The following DYSF variants were observed in gnomAD, a reference collection of about 807,000 sequenced individuals.
The protein encoded by DYSF is dysferlin, also known as dystrophy-associated fer-1-like 1.
DYSF carries 212 observed loss-of-function variants against 274.9 expected under a neutral mutation model. The observed-to-expected ratio is 0.77, with a 90% confidence interval of 0.69 to 0.86. The LOEUF (loss-of-function observed/expected upper bound fraction) is 0.86. Ranked by LOEUF, DYSF falls within the 40% of genes least tolerant of loss-of-function variation. The pLI, the probability that DYSF is intolerant of heterozygous loss-of-function variation, is 0.00. For missense variants in DYSF, 2,666 were observed against 2,783.2 expected (o/e 0.96, Z 0.95); for synonymous variants, 1,091 against 1,078.7 (o/e 1.01, Z -0.22).
Position 71,570,662 on chromosome 2 carries a change from A to C in DYSF, c.3149A>C (p.Lys1050Thr). Residue 1050 changes from lysine (K) to threonine (T), a missense_variant, in exon 29 of 56, where the codon AAG becomes ACG. Physicochemically the swap from Lys to Thr is moderately conservative, Grantham distance 78 (BLOSUM62 -1). Around this residue, in one of 3 missense-constraint regions of DYSF, gnomAD observed 1,460 missense variants for 1,502.1 expected, o/e 0.97. Coordinates refer to ENST00000410020, the MANE Select transcript of DYSF (RefSeq NM_001130987.2). ...CCGAAGCACTGGGTCCCTGCTGAGA[A>C]GATGTACTACACACACCGACGGCGG... is the stretch of plus-strand genomic sequence containing the variant. ...RKPKHWVPAEKMYYTHRRRRW... is the reference protein window; with the variant it reads ...RKPKHWVPAETMYYTHRRRRW... 1.2e-6 allele frequency: 2 copies of C among 1,614,130 alleles called. No individual in the cohort carries two copies. The highest frequency in any genetic ancestry group is 2.7e-5 in the African/African-American group (2 of 75,038).
chr2:71,591,875 G>A (rs1005112679), intron 32 of DYSF, among the ~76,000 whole-genome samples: 2 of 152,236 alleles, frequency 1.3e-5, no homozygotes, highest in African/African-American at 4.8e-5. Flanking sequence ...GGGTGGATGA[G>A]GAAGTTCTAC....
Position 71,535,020 on chromosome 2 carries a change from G to T in DYSF, c.1381-1G>T. On this transcript the variant is annotated splice_acceptor_variant, in intron 14 of 55. Coordinates refer to ENST00000410020, the MANE Select transcript of DYSF (RefSeq NM_001130987.2). LOFTEE classifies it high-confidence loss of function. Reference sequence around the variant, plus strand: ...ACTTGTCCCCTCCCTGTGTCTTCTAGCTGTGCAGCAAGATCTTGGAGAAGA... The same window carrying T: ...ACTTGTCCCCTCCCTGTGTCTTCTATCTGTGCAGCAAGATCTTGGAGAAGA... 1 of 1,614,202 alleles carries T rather than the reference G, an allele frequency of 6.2e-7. No homozygotes were observed. The highest frequency in any genetic ancestry group is 8.5e-7 in the Non-Finnish European group (1 of 1,180,030).
intron 41 of DYSF, among the ~76,000 whole-genome samples, chr2:71,638,265 G>A (rs2094436158): frequency 6.6e-6 from 1 of 151,508 alleles, no homozygotes; most frequent in Non-Finnish European, 1.5e-5. Context: ...TGTGAATACA[G>A]GTTCTTATTT....
rs3811611 is a variant in DYSF at position 71,589,472 on chromosome 2, G to C, written c.3403-121G>C. 457,842 of 786,474 alleles carry C rather than the reference G, an allele frequency of 0.58. 134,615 individuals are homozygous for C. Among genetic ancestry groups the C allele is most frequent in the East Asian group, 0.76 (30,430 of 40,212 alleles). The allele number at this position is 786,474 out of a possible 1,614,324, so 48.7% of individuals were successfully genotyped here. A position where few individuals can be genotyped will look rare whatever the true frequency, so the allele number is the denominator to read the frequency against. On this transcript the variant is annotated intron_variant, in intron 30 of 55. Transcript: ENST00000410020. ...TCCCCAGAATGAAATTAGAGGCTGA[G>C]AGTTCAGCTTTCGGCAGCGGAGAGA...
At chr2:71,534,232 T>A (rs367845903) in intron 14 of DYSF, among the ~76,000 whole-genome samples, 2 of 152,354 alleles carry the variant, frequency 1.3e-5, no homozygotes, top group South Asian at 2.1e-4. Flanking sequence ...TCATAGTAAA[T>A]GCTCTGAAAA....
At chr2:71,616,491 G>C (rs1165831079) in intron 40 of DYSF, among the ~76,000 whole-genome samples, 1 of 151,488 alleles carries the variant, frequency 6.6e-6, no homozygotes, top group Non-Finnish European at 1.5e-5. Flanking sequence ...ACAGGTGGGG[G>C]TGGTAGGAGC....
rs758550124 is a variant in DYSF, at chr2:71,539,216, C to G, written c.1553C>G (p.Ser518Cys). The change falls in exon 17 of 56, where the codon TCT (serine) becomes TGT (cysteine). Residue 518 changes from serine (S) to cysteine (C), a missense_variant. Physicochemically the swap from Ser to Cys is moderately radical, Grantham distance 112. Transcript: ENST00000410020. ...ATTYLSMSKISAPGGEIEVDD... is the reference protein window; with the variant it reads ...ATTYLSMSKICAPGGEIEVDD... The stretch of plus-strand genomic sequence containing the variant: ...ACCTACCTGAGTATGTCGAAAATCT[C>G]TGCCCCTGGAGGAGAAATAGAAGGT... The G allele has an allele frequency of 6.2e-7, 1 of 1,614,160 alleles. No homozygotes were observed. Among genetic ancestry groups the G allele is most frequent in the African/African-American group, 1.3e-5 (1 of 75,026 alleles).
chr2:71,606,680 G>T (rs1339295206), intron 36 of DYSF, among the ~76,000 whole-genome samples: 1 of 152,216 alleles, frequency 6.6e-6, no homozygotes, highest in African/African-American at 2.4e-5. Context: ...TGGGGAAAGG[G>T]TCATGTAGAC....
intron 41 of DYSF, among the ~76,000 whole-genome samples, chr2:71,628,942 A>G (rs2094261637): frequency 6.6e-6 from 1 of 151,414 alleles, no homozygotes; most frequent in African/African-American, 2.4e-5. Context: ...ACAGAGTGAG[A>G]CCCTGTTGCA....
intron 48 of DYSF, 53 bp downstream of exon 48, chr2:71,667,568 C>G: frequency 6.2e-7 from 1 of 1,610,402 alleles, no homozygotes; most frequent in Non-Finnish European, 8.5e-7. Flanking sequence ...AAAGCCCCAA[C>G]CCCAGGGACA....
At chr2:71,527,135 G>A (rs189921936) in intron 13 of DYSF, among the ~76,000 whole-genome samples, 160 of 152,288 alleles carry the variant, frequency 1.1e-3, no homozygotes, top group African/African-American at 3.7e-3. Context: ...CACCTCCAGC[G>A]TTTTAGATTG....
At chr2:71,455,897 T>C (rs2081042460) in intron 1 of DYSF, among the ~76,000 whole-genome samples, 1 of 152,132 alleles carries the variant, frequency 6.6e-6, no homozygotes. Flanking sequence ...TACACTAGGC[T>C]TCTACCTCAT....
At position 71,466,890 on chromosome 2, in the gene DYSF, G is replaced by A; in HGVS notation, c.48G>A (p.Lys16=). ...GGGCCAGCAACCTCCCCAGTGCGAA[G>A]AAGGACCGGCGCAGCGACCCTGTCG... The part of the protein sequence containing the change: ...LVRASNLPSA[K]KDRRSDPVAS... The change falls in exon 1 of 56, where the codon AAG becomes AAA. Residue 16 remains lysine (K), a synonymous_variant. Transcript: ENST00000410020. 6.5e-7 allele frequency: 1 copy of A among 1,550,118 alleles called. No individual in the cohort carries two copies.
chr2:71,526,647 C>T (rs1324822635), intron 13 of DYSF, among the ~76,000 whole-genome samples: 1 of 152,224 alleles, frequency 6.6e-6, no homozygotes. Flanking sequence ...CATCTGGACT[C>T]TATTCTGGCC....
chr2:71,610,896 AGT>A (rs964135050), intron 36 of DYSF: 4 of 363,752 alleles, frequency 1.1e-5, no homozygotes, highest in African/African-American at 4.2e-5. Context: ...TGGAATAGGC[AGT>A]GTGTGCACGC....
At chr2:71,574,413 C>G in intron 30 of DYSF, 42 bp downstream of exon 30, 2 of 1,604,346 alleles carry the variant, frequency 1.2e-6, no homozygotes, top group Non-Finnish European at 1.7e-6. Context: ...TAGGGTATAT[C>G]TTGGTTTCCC....
intron 42 of DYSF, among the ~76,000 whole-genome samples, chr2:71,648,748 G>C (rs2094606810): frequency 6.6e-6 from 1 of 151,864 alleles, no homozygotes; most frequent in Non-Finnish European, 1.5e-5. Flanking sequence ...CCCACCTCTT[G>C]AAAAGAAAAA....
chr2:71,656,042 T>C, intron 42 of DYSF, 120 bp from the exon 43 acceptor site: 2 of 1,294,172 alleles, frequency 1.5e-6, no homozygotes, highest in African/African-American at 1.5e-5. Flanking sequence ...CTCTTCCTTC[T>C]CTCTCTTTAT....
intron 17 of DYSF, among the ~76,000 whole-genome samples, chr2:71,542,682 G>A (rs2090032745): frequency 6.6e-6 from 1 of 152,096 alleles, no homozygotes; most frequent in Admixed American, 6.6e-5. Context: ...GAGAGCACCG[G>A]GTTGGGGGTA....
Sources: allele counts gnomAD v4.1 joint callset (sites outside exome capture counted in the v4.1 genomes callset), GRCh38; gene constraint gnomAD v4.1.1; regional missense constraint gnomAD v4.1.1; transcripts MANE v1.5; gene names NCBI Gene and HGNC (gene_info 2026-07-23, HGNC 2026-07-21).